KCNIP1: variants seen among roughly 807,000 people sequenced by gnomAD.
The protein encoded by KCNIP1 is potassium voltage-gated channel interacting protein 1.
A neutral mutation model predicts 33.0 loss-of-function variants in KCNIP1; 18 were observed. The observed-to-expected ratio is 0.55, with a 90% confidence interval of 0.38 to 0.81. The LOEUF is 0.81. KCNIP1 is among the 30% of genes least tolerant of loss of function. KCNIP1 has a pLI of 0.00. For missense variants in KCNIP1, 238 were observed against 271.6 expected (o/e 0.88, Z 0.87); for synonymous variants, 93 against 98.3 (o/e 0.95, Z 0.32).
chr5:170,539,614 C>CAACCAAAAGT (rs1343516205), intron 1 of KCNIP1, among the ~76,000 whole-genome samples: 1 of 152,162 alleles, frequency 6.6e-6, no homozygotes. Context: ...GCGCTCATCC[C>CAACCAAAAGT]AACCTAAAGT....
At chr5:170,390,175 T>G (rs1764660779) in intron 1 of KCNIP1, among the ~76,000 whole-genome samples, 1 of 152,134 alleles carries the variant, frequency 6.6e-6, no homozygotes, top group Non-Finnish European at 1.5e-5. Context: ...TTTAGATCTC[T>G]GCTTCTTCAT....
Position 170,603,119 on chromosome 5 carries a change from A to G in KCNIP1, c.61+98486A>G, listed in dbSNP as rs943075155. 3.3e-5 allele frequency among the ~76,000 whole-genome samples: 5 copies of G among 152,220 alleles called. No homozygotes were observed. The East Asian group carries it at 9.6e-4, about 29-fold the overall frequency. On this transcript the variant is annotated intron_variant, in intron 1 of 7. Coordinates refer to ENST00000328939, the MANE Select transcript of KCNIP1 (RefSeq NM_014592.4). ...CCACCCAGGGATCCCACCCACCCCA[A>G]ACCTGCTTTCGGACATCTTTCCAAT...
intron 5 of KCNIP1, among the ~76,000 whole-genome samples, chr5:170,726,745 C>CAAAAAAAAAAAAAAAAAAA (rs57173351): frequency 2.1e-4 from 12 of 56,656 alleles, no homozygotes; most frequent in Admixed American, 4.1e-4. Context: ...ACTAAAAATA[C>CAAAAAAAAAAAAAAAAAAA]AAAAAAAAAA....
intron 1 of KCNIP1, chr5:170,385,295 GGCC>G: frequency 6.2e-7 from 1 of 1,613,964 alleles, no homozygotes; most frequent in South Asian, 1.1e-5. Context: ...GGGGTGGGCA[GGCC>G]GGGAGAGCTC....
chr5:170,657,888 G>T (rs1761330669), intron 1 of KCNIP1, among the ~76,000 whole-genome samples: 1 of 152,162 alleles, frequency 6.6e-6, no homozygotes, highest in South Asian at 2.1e-4. Context: ...GTTGAGAAAT[G>T]AATATAATAC....
At chr5:170,511,652 G>T (rs114858736) in intron 1 of KCNIP1, among the ~76,000 whole-genome samples, 1,836 of 152,292 alleles carry the variant, frequency 0.012, 29 homozygotes, top group African/African-American at 0.041. Flanking sequence ...CACCTTGCTC[G>T]GCTCTTTCCT....
chr5:170,440,277 A>G (rs1048102044), intron 1 of KCNIP1, among the ~76,000 whole-genome samples: 1 of 152,174 alleles, frequency 6.6e-6, no homozygotes, highest in South Asian at 2.1e-4. Flanking sequence ...AGTCTGTGGC[A>G]CCTTATTATA....
chr5:170,699,903 G>A (rs1295924533), intron 1 of KCNIP1, among the ~76,000 whole-genome samples: 5 of 152,154 alleles, frequency 3.3e-5, no homozygotes, highest in East Asian at 1.9e-4. Context: ...GCCATCCTCC[G>A]TGAAGCCCCA....
At chr5:170,671,574 A>G (rs1000917530) in intron 1 of KCNIP1, among the ~76,000 whole-genome samples, 1 of 152,172 alleles carries the variant, frequency 6.6e-6, no homozygotes, top group Non-Finnish European at 1.5e-5. Flanking sequence ...TATGGCACCA[A>G]TCACGGCTTA....
chr5:170,428,219 G>A (rs1312662678), intron 1 of KCNIP1, among the ~76,000 whole-genome samples: 2 of 152,148 alleles, frequency 1.3e-5, no homozygotes, highest in Admixed American at 6.5e-5. Context: ...GCTGGGAAAC[G>A]CAGGGTTGGT....
chr5:170,650,926 A>C (rs1052571364), intron 1 of KCNIP1, among the ~76,000 whole-genome samples: 1 of 152,254 alleles, frequency 6.6e-6, no homozygotes, highest in African/African-American at 2.4e-5. Flanking sequence ...TAAAATATGC[A>C]AGGAGAATAA....
chr5:170,529,893 A>G (rs1755721187), intron 1 of KCNIP1, among the ~76,000 whole-genome samples: 1 of 151,754 alleles, frequency 6.6e-6, no homozygotes, highest in South Asian at 2.1e-4. Context: ...TCCCCACTTC[A>G]CCCTTCCAGG....
chr5:170,354,119 C>T (rs892045726), intron 1 of KCNIP1, among the ~76,000 whole-genome samples: 1 of 152,130 alleles, frequency 6.6e-6, no homozygotes, highest in Non-Finnish European at 1.5e-5. Context: ...TGACAACCTG[C>T]GTCCTGGCTT....
At chr5:170,563,606 G>C (rs1757106762) in intron 1 of KCNIP1, among the ~76,000 whole-genome samples, 1 of 150,724 alleles carries the variant, frequency 6.6e-6, no homozygotes, top group Non-Finnish European at 1.5e-5. Context: ...TGCAATGGGA[G>C]GTATGTGCTA....
At chr5:170,673,212 G>A (rs575549438) in intron 1 of KCNIP1, among the ~76,000 whole-genome samples, 1 of 152,372 alleles carries the variant, frequency 6.6e-6, no homozygotes, top group East Asian at 1.9e-4. Flanking sequence ...GGGGCTAGGA[G>A]TCCTCCCCTC....
chr5:170,381,127 T>C (rs532930535), intron 1 of KCNIP1, among the ~76,000 whole-genome samples: 36 of 152,346 alleles, frequency 2.4e-4, no homozygotes, highest in African/African-American at 8.4e-4. Flanking sequence ...ATCCTCTGCC[T>C]GCTCAGGGTT....
intron 1 of KCNIP1, among the ~76,000 whole-genome samples, chr5:170,641,552 CA>C (rs1450711773): frequency 6.6e-6 from 1 of 152,232 alleles, no homozygotes; most frequent in Non-Finnish European, 1.5e-5. Context: ...ACAATTGATT[CA>C]TTGCCTCTCA....
intron 1 of KCNIP1, among the ~76,000 whole-genome samples, chr5:170,682,664 G>T (rs1352623474): frequency 1.3e-5 from 2 of 151,994 alleles, no homozygotes; most frequent in African/African-American, 4.8e-5. Context: ...TATACCAACT[G>T]AGCAGAGCCC....
At chr5:170,567,624 C>G (rs4867613) in intron 1 of KCNIP1, among the ~76,000 whole-genome samples, 1 of 151,914 alleles carries the variant, frequency 6.6e-6, no homozygotes. Context: ...AGGCTAGCGC[C>G]AGGGGGAAGG....
Sources: gnomAD v4.1 joint callset for allele counts (sites outside exome capture counted in the v4.1 genomes callset) on GRCh38, gnomAD v4.1.1 for gene constraint, MANE v1.5 for transcripts, NCBI Gene and HGNC (gene_info 2026-07-23, HGNC 2026-07-21) for gene names.